Variants in CFAP95 observed in about 807,000 individuals in gnomAD.
The protein encoded by CFAP95 is cilia and flagella associated protein 95, also known as cilia- and flagella-associated protein 95.
the CFAP95 span, among the ~76,000 whole-genome samples, chr9:69,899,443 T>C: frequency 6.6e-6 from 1 of 152,248 alleles, no homozygotes; most frequent in Non-Finnish European, 1.5e-5. Context: ...ATAATTTAAA[T>C]AGTTCTGCTT....
At chr9:69,840,747 A>G in the CFAP95 span, among the ~76,000 whole-genome samples, 2 of 152,164 alleles carry the variant, frequency 1.3e-5, no homozygotes, top group Non-Finnish European at 2.9e-5. Flanking sequence ...AAACATGTAT[A>G]TTTCTCTCTG....
the CFAP95 span, among the ~76,000 whole-genome samples, chr9:69,827,488 C>T: frequency 2.6e-5 from 4 of 152,314 alleles, no homozygotes; most frequent in South Asian, 6.2e-4. Context: ...AAAATAGTCT[C>T]GTTCAGAACA....
At chr9:69,830,139 G>T in the CFAP95 span, among the ~76,000 whole-genome samples, 16 of 152,130 alleles carry the variant, frequency 1.1e-4, no homozygotes, top group Non-Finnish European at 1.8e-4. Context: ...GGGAAACATG[G>T]CTGCTGCAGT....
At chr9:69,856,521 T>A in the CFAP95 span, 52 of 1,327,600 alleles carry the variant, frequency 3.9e-5, no homozygotes, top group Non-Finnish European at 5.3e-5. Context: ...TAGTGAAAAT[T>A]CATTTTTCTT....
the CFAP95 span, among the ~76,000 whole-genome samples, chr9:69,892,087 T>C: frequency 6.6e-6 from 1 of 152,228 alleles, no homozygotes; most frequent in Admixed American, 6.5e-5. Context: ...TGGTAAAATA[T>C]GCATAACATA....
chr9:69,824,960 G>A, the CFAP95 span, among the ~76,000 whole-genome samples: 7 of 152,122 alleles, frequency 4.6e-5, no homozygotes, highest in Non-Finnish European at 8.8e-5. Flanking sequence ...TGTATTGCTG[G>A]CATACTTGTT....
At chr9:69,839,691 T>A in the CFAP95 span, among the ~76,000 whole-genome samples, 1 of 150,708 alleles carries the variant, frequency 6.6e-6, no homozygotes, top group Non-Finnish European at 1.5e-5. Flanking sequence ...CCTCCCAAAG[T>A]GCTGGGATTA....
At chr9:69,833,089 A>C in the CFAP95 span, among the ~76,000 whole-genome samples, 1 of 152,174 alleles carries the variant, frequency 6.6e-6, no homozygotes, top group South Asian at 2.1e-4. Context: ...AGTATTCACC[A>C]AGTTGTGCAT....
At chr9:69,826,470 A>C in the CFAP95 span, among the ~76,000 whole-genome samples, 3 of 152,176 alleles carry the variant, frequency 2.0e-5, no homozygotes, top group African/African-American at 4.8e-5. Context: ...TCTCCAACAC[A>C]CATTCGAGAA....
the CFAP95 span, among the ~76,000 whole-genome samples, chr9:69,888,891 A>T: frequency 2.0e-5 from 3 of 151,970 alleles, no homozygotes; most frequent in East Asian, 5.8e-4. Flanking sequence ...AAGGGAAAAA[A>T]AAAAAATTTG....
chr9:69,896,840 G>A, the CFAP95 span, among the ~76,000 whole-genome samples: 4 of 152,032 alleles, frequency 2.6e-5, no homozygotes, highest in African/African-American at 9.7e-5. Context: ...AGTGAGCTAT[G>A]ATTGCACCAC....
At chr9:69,843,165 C>T in the CFAP95 span, among the ~76,000 whole-genome samples, 1 of 152,138 alleles carries the variant, frequency 6.6e-6, no homozygotes, top group South Asian at 2.1e-4. Context: ...CTTCCCACTG[C>T]ATCCCCCACA....
At chr9:69,899,617 C>A in the CFAP95 span, among the ~76,000 whole-genome samples, 1,904 of 152,298 alleles carry the variant, frequency 0.013, 45 homozygotes, top group African/African-American at 0.042. Context: ...AGAAACTTGG[C>A]TTTCAGGATA....
chr9:69,881,730 A>G, the CFAP95 span, among the ~76,000 whole-genome samples: 5 of 152,162 alleles, frequency 3.3e-5, no homozygotes, highest in Non-Finnish European at 7.3e-5. Flanking sequence ...TAGGGGTTGC[A>G]TTGAATCTGT....
chr9:69,879,794 C>T, the CFAP95 span, among the ~76,000 whole-genome samples: 9 of 152,110 alleles, frequency 5.9e-5, no homozygotes, highest in African/African-American at 1.9e-4. Context: ...CTGATATCTC[C>T]TATTGTTAGG....
the CFAP95 span, chr9:69,844,597 A>G: frequency 2.5e-6 from 4 of 1,613,334 alleles, no homozygotes; most frequent in Non-Finnish European, 3.4e-6. Context: ...AATTCAACAT[A>G]TCGGCGACTG....
chr9:69,881,946 T>A, the CFAP95 span, among the ~76,000 whole-genome samples: 15 of 151,864 alleles, frequency 9.9e-5, no homozygotes, highest in African/African-American at 2.2e-4. Flanking sequence ...AGGTTTTTTT[T>A]AAATTTCTTT....
At chr9:69,842,439 G>A in the CFAP95 span, among the ~76,000 whole-genome samples, 1 of 152,308 alleles carries the variant, frequency 6.6e-6, no homozygotes, top group Non-Finnish European at 1.5e-5. Context: ...TAAAATGAGA[G>A]CTTGGAAGAA....
the CFAP95 span, among the ~76,000 whole-genome samples, chr9:69,838,588 C>A: frequency 6.6e-6 from 1 of 151,508 alleles, no homozygotes; most frequent in African/African-American, 2.4e-5. Context: ...ATTTTGTATC[C>A]TGAGACTTCG....
Sources: gnomAD v4.1 joint callset for allele counts (sites outside exome capture counted in the v4.1 genomes callset) on GRCh38, gnomAD v4.1.1 for gene constraint, MANE v1.5 for transcripts, NCBI Gene and HGNC (gene_info 2026-07-23, HGNC 2026-07-21) for gene names.